Variants in PRKN observed in about 807,000 individuals in gnomAD.
The protein encoded by PRKN is parkin RBR E3 ubiquitin protein ligase.
PRKN carries 56 observed loss-of-function variants against 59.5 expected under a neutral mutation model. That is an observed-to-expected ratio of 0.94 (90% CI 0.76 to 1.18). The LOEUF (loss-of-function observed/expected upper bound fraction) is 1.18. Among genes scored for constraint, PRKN ranks in the 50% most tolerant of loss-of-function variants. The pLI is 0.00. For missense variants in PRKN, 657 were observed against 596.4 expected, an observed-to-expected ratio of 1.10 and a Z score of -1.06; for synonymous variants, 250 against 222.1, an observed-to-expected ratio of 1.13 and a Z score of -1.12.
chr6:162,255,134 C>T (rs998023492), intron 3 of PRKN, among the ~76,000 whole-genome samples: 1 of 131,260 alleles, frequency 7.6e-6, no homozygotes, highest in Admixed American at 7.2e-5. Flanking sequence ...AAATAAAAAC[C>T]CTGACCCCAA....
intron 2 of PRKN, among the ~76,000 whole-genome samples, chr6:162,362,673 G>A (rs538967718): frequency 1.1e-4 from 17 of 152,030 alleles, no homozygotes; most frequent in Middle Eastern, 3.4e-3. Flanking sequence ...AGGAAGAGGC[G>A]GACTCACATT....
chr6:161,522,142 G>T (rs893967057), intron 9 of PRKN, among the ~76,000 whole-genome samples: 1 of 152,026 alleles, frequency 6.6e-6, no homozygotes, highest in Admixed American at 6.6e-5. Context: ...ATATTTAACC[G>T]AATGCTGCCA....
chr6:162,272,092 C>T (rs1006282503), intron 2 of PRKN, among the ~76,000 whole-genome samples: 138 of 152,262 alleles, frequency 9.1e-4, no homozygotes, highest in African/African-American at 3.1e-3. Flanking sequence ...GGATCCTACA[C>T]CAGAGGGGCT....
intron 7 of PRKN, among the ~76,000 whole-genome samples, chr6:161,778,968 T>C (rs112727174): frequency 1.3e-5 from 2 of 152,096 alleles, no homozygotes; most frequent in East Asian, 3.8e-4. Flanking sequence ...TTTTTGAGAC[T>C]GAGTCTTGCT....
chr6:161,375,166 G>A (rs1785641759), intron 10 of PRKN, among the ~76,000 whole-genome samples: 1 of 152,174 alleles, frequency 6.6e-6, no homozygotes, highest in African/African-American at 2.4e-5. Context: ...ACTCCTGGGG[G>A]TGGAGGGAAC....
chr6:161,957,869 C>T (rs899862668), intron 6 of PRKN, among the ~76,000 whole-genome samples: 2 of 152,140 alleles, frequency 1.3e-5, no homozygotes, highest in African/African-American at 4.8e-5. Context: ...GAAGTCCTCC[C>T]GTGCAGGTCA....
At chr6:162,209,972 G>C (rs1785131651) in intron 3 of PRKN, among the ~76,000 whole-genome samples, 1 of 152,060 alleles carries the variant, frequency 6.6e-6, no homozygotes, top group East Asian at 1.9e-4. Context: ...TGGGGAGAGG[G>C]GGGAGGGATA....
chr6:161,705,581 C>T (rs947383938), intron 7 of PRKN, among the ~76,000 whole-genome samples: 3 of 152,022 alleles, frequency 2.0e-5, no homozygotes, highest in Non-Finnish European at 2.9e-5. Flanking sequence ...TAATGATAAA[C>T]GGTAGGTCCT....
intron 2 of PRKN, among the ~76,000 whole-genome samples, chr6:162,331,159 T>A (rs1783553420): frequency 7.8e-6 from 1 of 128,614 alleles, no homozygotes; most frequent in African/African-American, 3.2e-5. Flanking sequence ...TGAAACCCCA[T>A]CTCTATTAAA....
At chr6:162,479,084 T>A (rs1792167938) in intron 1 of PRKN, among the ~76,000 whole-genome samples, 1 of 152,214 alleles carries the variant, frequency 6.6e-6, no homozygotes, top group Non-Finnish European at 1.5e-5. Flanking sequence ...TTTTTTACTT[T>A]ATAAACTTTT....
intron 7 of PRKN, among the ~76,000 whole-genome samples, chr6:161,679,675 C>A (rs1409759198): frequency 1.6e-4 from 4 of 24,302 alleles, no homozygotes; most frequent in African/African-American, 2.1e-4. Context: ...AATAGAACCA[C>A]CCCCCCCCCT....
intron 9 of PRKN, among the ~76,000 whole-genome samples, chr6:161,532,162 C>CTA (rs1227540991): frequency 3.0e-4 from 25 of 83,638 alleles, no homozygotes; most frequent in South Asian, 2.3e-3. Flanking sequence ...CTCTCTCTCT[C>CTA]TCTCTATATA....
At position 161,560,086 on chromosome 6, in the gene PRKN, C is replaced by T. The variant is rs1025446472; in HGVS notation, c.933+9269G>A. Among the ~76,000 whole-genome samples the T allele has an allele frequency of 6.6e-6, 1 of 152,154 alleles. No homozygotes were observed. The highest frequency in any genetic ancestry group is 1.5e-5 in the Non-Finnish European group (1 of 68,026). On this transcript the variant is annotated intron_variant, in intron 8 of 11. Transcript: ENST00000366898. This position sits in a 1 kb window ranked among gnomAD's most constrained non-coding sequence, Gnocchi z 4.9. ...TCAAGCTGCCTGTCATTCTTATCAC[C>T]CAAACTGTCAGTCCCATATGGGTCC...
chr6:162,058,732 C>G (rs1777968857), intron 4 of PRKN, among the ~76,000 whole-genome samples: 1 of 152,062 alleles, frequency 6.6e-6, no homozygotes, highest in African/African-American at 2.4e-5. Flanking sequence ...GAGGATGGAT[C>G]ACCTAAGGTC....
chr6:162,301,083 C>T (rs1781926260), intron 2 of PRKN, among the ~76,000 whole-genome samples: 1 of 151,456 alleles, frequency 6.6e-6, no homozygotes, highest in Non-Finnish European at 1.5e-5. Context: ...TAGAAGAAAT[C>T]GTTTAATTGT....
At chr6:161,813,903 C>T (rs1188425176) in intron 6 of PRKN, among the ~76,000 whole-genome samples, 4 of 152,210 alleles carry the variant, frequency 2.6e-5, no homozygotes, top group Non-Finnish European at 5.9e-5. Flanking sequence ...TCTGCAAATT[C>T]ATCTTTGTCA....
chr6:161,698,904 T>A (rs894509775), intron 7 of PRKN, among the ~76,000 whole-genome samples: 18 of 152,064 alleles, frequency 1.2e-4, no homozygotes, highest in African/African-American at 4.1e-4. Context: ...CTGGACTTCA[T>A]CAAAGTGAAA....
At chr6:162,162,025 A>G (rs1173615883) in intron 4 of PRKN, among the ~76,000 whole-genome samples, 2 of 152,170 alleles carry the variant, frequency 1.3e-5, no homozygotes, top group African/African-American at 2.4e-5. Context: ...AAAAAGTAAT[A>G]AAACAATTGA....
At chr6:162,712,669 C>T (rs906022505) in intron 1 of PRKN, among the ~76,000 whole-genome samples, 4 of 152,234 alleles carry the variant, frequency 2.6e-5, no homozygotes, top group African/African-American at 9.7e-5. Context: ...CCAGATCCAA[C>T]ATGTTTATCT....
Sources: allele counts gnomAD v4.1 joint callset (sites outside exome capture counted in the v4.1 genomes callset), GRCh38; gene constraint gnomAD v4.1.1; non-coding constraint Gnocchi (gnomAD v3.1); transcripts MANE v1.5; gene names NCBI Gene and HGNC (gene_info 2026-07-23, HGNC 2026-07-21).